Variants in ADAMTSL3 observed in about 807,000 individuals in gnomAD.
ADAMTSL3 encodes the protein ADAMTS-like protein 3.
A neutral mutation model predicts 201.7 loss-of-function variants in ADAMTSL3; 128 were observed. The observed-to-expected ratio is 0.63, with a 90% CI of 0.55 to 0.73. The LOEUF (loss-of-function observed/expected upper bound fraction) is 0.73. Among genes scored for constraint, ADAMTSL3 ranks in the 30% least tolerant of loss-of-function variants. The probability of loss-of-function intolerance (pLI) is 0.00; values close to 1 mark genes in which losing one functional copy is unlikely to be tolerated. For missense variants in ADAMTSL3, 1,990 were observed against 2,119.6 expected (o/e 0.94, Z 1.20); for synonymous variants, 738 against 748.4 (o/e 0.99, Z 0.23).
intron 2 of ADAMTSL3, among the ~76,000 whole-genome samples, chr15:83,703,860 C>A (rs1174878594): frequency 6.6e-6 from 1 of 152,010 alleles, no homozygotes. Flanking sequence ...TACACCAAAA[C>A]AATTAACAGT....
At chr15:83,779,697 CAAAAA>C (rs199855902) in intron 4 of ADAMTSL3, among the ~76,000 whole-genome samples, 4 of 72,106 alleles carry the variant, frequency 5.5e-5, no homozygotes, top group Non-Finnish European at 8.0e-5. Flanking sequence ...GACTCCATCT[CAAAAA>C]AAAAAAAAAA....
At chr15:83,912,239 T>G (rs1025209689) in intron 15 of ADAMTSL3, among the ~76,000 whole-genome samples, 2 of 152,210 alleles carry the variant, frequency 1.3e-5, no homozygotes, top group African/African-American at 4.8e-5. Flanking sequence ...AAATATTCAG[T>G]TCTGTTGTAG....
chr15:83,774,901 C>G lies in ADAMTSL3; in HGVS notation c.317+1251C>G, dbSNP rs574270281. ...TCTCACTCTTGCCCAGACTGGAGTG[C>G]AGTGGTGGGATCTGGGCTCACTGAA... is the stretch of plus-strand genomic sequence containing the variant. On this transcript the variant is annotated intron_variant, in intron 4 of 29. Transcript: ENST00000286744. Among the ~76,000 whole-genome samples, 16 of 150,172 alleles carry G rather than the reference C, an allele frequency of 1.1e-4. No individual in the cohort carries two copies. In the South Asian group the frequency reaches 3.4e-3, roughly 32 times the overall value.
At chr15:84,027,315 C>T (rs940321113) in intron 27 of ADAMTSL3, among the ~76,000 whole-genome samples, 7 of 152,186 alleles carry the variant, frequency 4.6e-5, no homozygotes, top group Admixed American at 6.5e-5. Flanking sequence ...AACACCCTAG[C>T]GGTTCCTCAA....
At position 83,891,236 on chromosome 15, in the gene ADAMTSL3, C is replaced by T. The variant is rs2065492864; in HGVS notation, c.1212-93C>T. The T allele has an allele frequency of 1.8e-5, 20 of 1,117,972 alleles. No individual in the cohort carries two copies. The Middle Eastern group carries it at 6.2e-4, about 34-fold the overall frequency. The allele number at this position is 1,117,972 out of a possible 1,614,324, so 69.3% of individuals were successfully genotyped here. On this transcript the variant is annotated intron_variant, in intron 11 of 29. Coordinates refer to ENST00000286744, the MANE Select transcript of ADAMTSL3 (RefSeq NM_207517.3). Reference sequence around the variant, plus strand: ...TTTTAGTTTCCAATTTGGAAGAGCTCTGTCTCTTGGGATGTCAAATATTAT... The same window carrying T: ...TTTTAGTTTCCAATTTGGAAGAGCTTTGTCTCTTGGGATGTCAAATATTAT...
intron 9 of ADAMTSL3, among the ~76,000 whole-genome samples, chr15:83,874,471 AG>A (rs2065141007): frequency 6.9e-6 from 1 of 144,312 alleles, no homozygotes; most frequent in African/African-American, 2.7e-5. Context: ...CTGACTGGCC[AG>A]GGGGTGACAT....
intron 6 of ADAMTSL3, chr15:83,824,797 A>G (rs2063984505): frequency 6.6e-6 from 1 of 152,066 alleles, no homozygotes; most frequent in Middle Eastern, 3.2e-3. Flanking sequence ...AAGTTTCCTC[A>G]GTGTCTTTTC....
intron 17 of ADAMTSL3, among the ~76,000 whole-genome samples, chr15:83,940,177 A>G (rs894379952): frequency 6.6e-6 from 1 of 152,180 alleles, no homozygotes. Flanking sequence ...AATACTATTT[A>G]CTTTCCCTTG....
At chr15:83,857,334 GT>G (rs2064758775) in intron 7 of ADAMTSL3, among the ~76,000 whole-genome samples, 1 of 152,064 alleles carries the variant, frequency 6.6e-6, no homozygotes, top group Non-Finnish European at 1.5e-5. Context: ...GTCAAATTTA[GT>G]TTTTTTTCAT....
intron 3 of ADAMTSL3, among the ~76,000 whole-genome samples, chr15:83,755,870 T>C (rs7178271): frequency 0.84 from 127,654 of 152,038 alleles, 54,097 homozygotes; most frequent in East Asian, 0.96. Flanking sequence ...AAGTGATTCT[T>C]GTGCCTCAGC....
intron 20 of ADAMTSL3, among the ~76,000 whole-genome samples, chr15:83,976,905 G>A (rs1020221187): frequency 7.9e-5 from 12 of 152,076 alleles, no homozygotes; most frequent in East Asian, 1.9e-4. Flanking sequence ...AGAAGTTGAC[G>A]CCATTAACTT....
In ADAMTSL3 at chr15:83,810,514, A is replaced by G. The variant is rs1347657159; in HGVS notation, c.363+5819A>G. On this transcript the variant is annotated intron_variant, in intron 5 of 29. Coordinates refer to ENST00000286744, the MANE Select transcript of ADAMTSL3 (RefSeq NM_207517.3). ...ATTACTATAAATATAGTGGCTTAAA[A>G]CAAGACAAATGTATTATCTTACGGT... is the stretch of plus-strand genomic sequence containing the variant. 2.6e-5 allele frequency among the ~76,000 whole-genome samples: 4 copies of G among 152,216 alleles called. No individual in the cohort carries two copies. The East Asian group carries it at 5.8e-4, about 22-fold the overall frequency.
chr15:83,686,870 T>C (rs1285846061), intron 2 of ADAMTSL3, among the ~76,000 whole-genome samples: 1 of 152,168 alleles, frequency 6.6e-6, no homozygotes, highest in African/African-American at 2.4e-5. Context: ...CATATATAAC[T>C]GTACATTTTC....
At chr15:83,753,891 C>T (rs1438196724) in intron 3 of ADAMTSL3, among the ~76,000 whole-genome samples, 1 of 152,090 alleles carries the variant, frequency 6.6e-6, no homozygotes, top group African/African-American at 2.4e-5. Flanking sequence ...GAAAGTGAAG[C>T]AGTTTGCGTT....
rs1352784408 is a variant in ADAMTSL3 at position 83,745,706 on chromosome 15, G to A, written c.190-27817G>A. On this transcript the variant is annotated intron_variant, in intron 3 of 29. Transcript: ENST00000286744. ...TGCACTCCAGTTCCCAGTCGAGAAG[G>A]GGGTCAAGGAAACATTTTCTGTTTC... Among the ~76,000 whole-genome samples, 4 of 152,176 alleles carry A rather than the reference G, an allele frequency of 2.6e-5. No homozygotes were observed. In the East Asian group the frequency reaches 7.7e-4, roughly 29 times the overall value.
At chr15:83,760,777 C>A (rs565255322) in intron 3 of ADAMTSL3, among the ~76,000 whole-genome samples, 180 of 152,184 alleles carry the variant, frequency 1.2e-3, no homozygotes, top group Non-Finnish European at 2.2e-3. Flanking sequence ...ATTAGTGTGA[C>A]TAAGCCAGAT....
At chr15:83,838,312 G>T in intron 7 of ADAMTSL3, 97 bp downstream of exon 7, 1 of 1,437,258 alleles carries the variant, frequency 7.0e-7, no homozygotes. Context: ...AGCTTTTTTA[G>T]TTGGAAGTAG....
chr15:83,903,142 G>A (rs1256141150), intron 15 of ADAMTSL3, among the ~76,000 whole-genome samples: 2 of 151,632 alleles, frequency 1.3e-5, no homozygotes, highest in Non-Finnish European at 2.9e-5. Context: ...ATCACCCGTG[G>A]TGCTTTTTAA....
At chr15:83,945,664 A>G (rs1443116657) in intron 19 of ADAMTSL3, 1 of 152,144 alleles carries the variant, frequency 6.6e-6, no homozygotes, top group Non-Finnish European at 1.5e-5. Flanking sequence ...AAAGTTAGGG[A>G]CAGAAGGAAG....
Sources: gnomAD v4.1 joint callset for allele counts (sites outside exome capture counted in the v4.1 genomes callset) on GRCh38, gnomAD v4.1.1 for gene constraint, MANE v1.5 for transcripts, NCBI Gene and HGNC (gene_info 2026-07-23, HGNC 2026-07-21) for gene names.